Variants in SERBP1 observed in about 807,000 individuals in gnomAD.
SERBP1 encodes SERPINE1 mRNA binding protein 1, also known as SERPINE1 mRNA-binding protein 1.
SERBP1 carries 6 observed loss-of-function variants against 50.2 expected under a neutral mutation model. The observed-to-expected ratio is 0.12, with a 90% CI of 0.07 to 0.24. The LOEUF is 0.24. Ranked by LOEUF, SERBP1 falls within the 10% of genes least tolerant of loss-of-function variation. The pLI is 1.00. For missense variants in SERBP1, 346 were observed against 524.9 expected, an observed-to-expected ratio of 0.66 and a Z score of 3.33; for synonymous variants, 168 against 182.8, an observed-to-expected ratio of 0.92 and a Z score of 0.65.
chr1:67,422,261 C>G (rs190374475), intron 5 of SERBP1, among the ~76,000 whole-genome samples: 1 of 152,286 alleles, frequency 6.6e-6, no homozygotes, highest in East Asian at 1.9e-4. Context: ...CGCCTGTAAT[C>G]CCAGCACTTT....
intron 6 of SERBP1, among the ~76,000 whole-genome samples, chr1:67,417,971 G>GTTTTTTTTTTT (rs397861816): frequency 2.6e-5 from 2 of 76,800 alleles, no homozygotes; most frequent in African/African-American, 1.1e-4. Context: ...TTAAAGTGTT[G>GTTTTTTTTTTT]TTTTTTTTTT....
intron 6 of SERBP1, among the ~76,000 whole-genome samples, chr1:67,417,981 T>TTG (rs1553133934): frequency 1.4e-5 from 2 of 139,596 alleles, no homozygotes; most frequent in African/African-American, 2.7e-5. Flanking sequence ...GTTTTTTTTT[T>TTG]TTTTTTTTTT....
rs1184309021 is a variant in SERBP1 at position 67,430,195 on chromosome 1, T to A, written c.106A>T (p.Asn36Tyr). ...DPFEVLKAAE[N>Y]KKKEAGGGGV... ...CCCCCGCCGGCTTCTTTTTTCTTGT[T>A]CTCTGCTGCCTTCAGCACCTCGAAG... The change falls in exon 1 of 8, where the codon AAC becomes TAC. Residue 36 changes from asparagine (N) to tyrosine (Y), a missense_variant. Physicochemically the swap from Asn to Tyr is moderately radical, Grantham distance 143. Coordinates refer to ENST00000361219, the MANE Select transcript of SERBP1 (RefSeq NM_001018069.2). 3.7e-6 allele frequency: 6 copies of A among 1,610,818 alleles called. No individual in the cohort carries two copies. In the East Asian group the frequency reaches 1.1e-4, roughly 30 times the overall value.
intron 4 of SERBP1, 38 bp from the exon 5 acceptor site, chr1:67,424,315 G>A (rs1667300258): frequency 1.2e-6 from 2 of 1,603,992 alleles, no homozygotes; most frequent in South Asian, 1.1e-5. Flanking sequence ...ATGTATTTGG[G>A]GGACTCTCTA....
At chr1:67,418,783 A>G (rs1667112374) in intron 6 of SERBP1, among the ~76,000 whole-genome samples, 1 of 152,064 alleles carries the variant, frequency 6.6e-6, no homozygotes, top group South Asian at 2.1e-4. Context: ...AAAATAACTA[A>G]TACCTTATTG....
chr1:67,411,134 A>G lies in SERBP1; in HGVS notation c.*2073T>C, dbSNP rs977225013. Reference sequence around the variant, plus strand: ...GGTTCACAGTTTTAGCTCTTGACACAAAGTGAACTAGGAGGCAAATTTATA... The same window carrying G: ...GGTTCACAGTTTTAGCTCTTGACACGAAGTGAACTAGGAGGCAAATTTATA... On this transcript the variant is annotated 3_prime_UTR_variant, in exon 8 of 8. Coordinates refer to ENST00000361219, the MANE Select transcript of SERBP1 (RefSeq NM_001018069.2). 3 of 152,170 alleles carry G rather than the reference A, an allele frequency of 2.0e-5. No individual in the cohort carries two copies. Among genetic ancestry groups the G allele is most frequent in the Non-Finnish European group, 4.4e-5 (3 of 67,994 alleles). The allele number at this position is 152,170 out of a possible 1,614,324, so 9.4% of individuals were successfully genotyped here.
chr1:67,414,366 TAA>T (rs35420269), intron 7 of SERBP1, among the ~76,000 whole-genome samples: 2 of 150,520 alleles, frequency 1.3e-5, no homozygotes, highest in African/African-American at 2.5e-5. Context: ...ACCACCACCT[TAA>T]AAAAAAAAGG....
At chr1:67,415,593 C>T (rs1666978845) in intron 6 of SERBP1, among the ~76,000 whole-genome samples, 1 of 152,194 alleles carries the variant, frequency 6.6e-6, no homozygotes, top group Non-Finnish European at 1.5e-5. Context: ...TGTATGCTAT[C>T]ACAATCAACC....
Position 67,424,187 on chromosome 1 carries a change from CA to C in SERBP1, c.773+12del. ...AATTCTGGGTCATTACTATTACACG[CA>C]ATACCACTTACTTATTTTCAGTGTC... On this transcript the variant is annotated intron_variant, in intron 5 of 7. Transcript: ENST00000361219. The C allele has an allele frequency of 6.2e-7, 1 of 1,605,838 alleles. No individual in the cohort carries two copies. The highest frequency in any genetic ancestry group is 8.5e-7 in the Non-Finnish European group (1 of 1,177,678).
At chr1:67,425,893 A>G (rs1025540691) in intron 2 of SERBP1, among the ~76,000 whole-genome samples, 1 of 152,224 alleles carries the variant, frequency 6.6e-6, no homozygotes, top group African/African-American at 2.4e-5. Context: ...TTGCAGGAGG[A>G]CAGCTTGAGC....
chr1:67,426,517 A>T (rs1667385729), intron 1 of SERBP1, among the ~76,000 whole-genome samples: 1 of 152,216 alleles, frequency 6.6e-6, no homozygotes, highest in African/African-American at 2.4e-5. Flanking sequence ...TAAAATAAAA[A>T]CAATAAACTT....
chr1:67,420,388 G>GT, intron 5 of SERBP1: 2 of 494,740 alleles, frequency 4.0e-6, no homozygotes, highest in Admixed American at 7.6e-5. Context: ...TTAGAGACAA[G>GT]TAAGGAATAT....
At chr1:67,417,748 C>A (rs755586538) in intron 6 of SERBP1, among the ~76,000 whole-genome samples, 1 of 151,934 alleles carries the variant, frequency 6.6e-6, no homozygotes, top group South Asian at 2.1e-4. Context: ...TTTAACTCAA[C>A]AATCTGCCCA....
rs759780565 is a variant in SERBP1, at chr1:67,424,242, G to A, written c.731C>T (p.Pro244Leu). ...CACTGGATGATGTTCTTCACCTTCA[G>A]GTGTTTCCTCAGTCACATTTGATTG... The part of the protein sequence containing the change: ...LDQSNVTEET[P>L]EGEEHHPVAD... The change falls in exon 5 of 8, where the codon CCT becomes CTT. Residue 244 changes from proline (P) to leucine (L), a missense_variant. Physicochemically the swap from Pro to Leu is moderately conservative, Grantham distance 98. Transcript: ENST00000361219. 6.2e-7 allele frequency: 1 copy of A among 1,612,368 alleles called. No homozygotes were observed. Among genetic ancestry groups the A allele is most frequent in the Non-Finnish European group, 8.5e-7 (1 of 1,179,318 alleles).
In SERBP1 at chr1:67,411,024, A is replaced by G. The variant is rs1666819649; in HGVS notation, c.*2183T>C. 1 of 152,172 alleles carries G rather than the reference A, an allele frequency of 6.6e-6. No homozygotes were observed. The highest frequency in any genetic ancestry group is 2.1e-4 in the South Asian group (1 of 4,834). 9.4% of individuals were successfully genotyped at this position (152,172 alleles called of 1,614,324 possible). On this transcript the variant is annotated 3_prime_UTR_variant, in exon 8 of 8. Transcript: ENST00000361219. ...AACACATGACAATAAACATGATCCT[A>G]TTTGATTGTTTTTATGACTTTTAAG...
At position 67,409,522 on chromosome 1, in the gene SERBP1, G is replaced by A. The variant is rs1206559494; in HGVS notation, c.*3685C>T. On this transcript the variant is annotated 3_prime_UTR_variant, in exon 8 of 8. Coordinates refer to ENST00000361219, the MANE Select transcript of SERBP1 (RefSeq NM_001018069.2). Reference sequence around the variant, plus strand: ...ATTTCCAGTGTTCATATTTTCATCTGTGGCCAAAATCATGATGGCTTTAGC... The same window carrying A: ...ATTTCCAGTGTTCATATTTTCATCTATGGCCAAAATCATGATGGCTTTAGC... 1 of 151,740 alleles carries A rather than the reference G, an allele frequency of 6.6e-6. No individual in the cohort carries two copies. The highest frequency in any genetic ancestry group is 2.4e-5 in the African/African-American group (1 of 41,314). The allele number at this position is 151,740 out of a possible 1,614,324, so 9.4% of individuals were successfully genotyped here.
chr1:67,420,223 A>G (rs1215768708), intron 5 of SERBP1, 37 bp from the exon 6 acceptor site: 1 of 1,417,944 alleles, frequency 7.1e-7, no homozygotes, highest in African/African-American at 1.5e-5. Flanking sequence ...CCTGGTAGAG[A>G]GCTGATATTA....
chr1:67,420,349 G>T (rs1667161252), intron 5 of SERBP1, 163 bp from the exon 6 acceptor site: 2 of 574,796 alleles, frequency 3.5e-6, no homozygotes, highest in East Asian at 6.2e-5. Context: ...AAGCAACTTG[G>T]TAGAGACCAG....
intron 7 of SERBP1, among the ~76,000 whole-genome samples, chr1:67,414,311 A>G (rs763882270): frequency 1.3e-5 from 2 of 152,220 alleles, no homozygotes; most frequent in Non-Finnish European, 2.9e-5. Flanking sequence ...TAAAGTATAA[A>G]TAACAGAACT....
Sources: gnomAD v4.1 joint callset for allele counts (sites outside exome capture counted in the v4.1 genomes callset) on GRCh38, gnomAD v4.1.1 for gene constraint, MANE v1.5 for transcripts, NCBI Gene and HGNC (gene_info 2026-07-23, HGNC 2026-07-21) for gene names.